Variants in CNTN4 observed in about 807,000 individuals in gnomAD.
CNTN4 encodes the protein contactin-4.
Under a neutral mutation model 122.5 loss-of-function variants are expected in CNTN4, and 77 were observed. The observed-to-expected ratio is 0.63, with a 90% CI of 0.52 to 0.76. The LOEUF (loss-of-function observed/expected upper bound fraction) is 0.76, where lower values mean the gene tolerates loss of function less well. CNTN4 is among the 30% of genes least tolerant of loss of function. The pLI is 0.00. For missense variants in CNTN4, 1,256 were observed against 1,259.1 expected (o/e 1.00, Z 0.04); for synonymous variants, 512 against 447.0 (o/e 1.15, Z -1.83).
chr3:2,658,605 C>G (rs1373332670), intron 4 of CNTN4, among the ~76,000 whole-genome samples: 1 of 152,168 alleles, frequency 6.6e-6, no homozygotes, highest in Non-Finnish European at 1.5e-5. Flanking sequence ...TCATCCTTCC[C>G]ATTTCCTTAA....
intron 6 of CNTN4, among the ~76,000 whole-genome samples, chr3:2,788,583 T>C (rs1407603894): frequency 6.6e-6 from 1 of 152,252 alleles, no homozygotes. Flanking sequence ...CCACAATCTT[T>C]GGAAAAATAT....
chr3:2,169,493 GC>G (rs2036351827), intron 2 of CNTN4, among the ~76,000 whole-genome samples: 1 of 151,620 alleles, frequency 6.6e-6, no homozygotes, highest in African/African-American at 2.4e-5. Context: ...TGCAAGCTCC[GC>G]CTCCCGGGTT....
At chr3:2,587,137 A>G (rs539822345) in intron 4 of CNTN4, among the ~76,000 whole-genome samples, 1 of 152,282 alleles carries the variant, frequency 6.6e-6, no homozygotes, top group Admixed American at 6.5e-5. Context: ...TTCCATATAC[A>G]TTATCTTCTG....
At chr3:2,928,585 G>A (rs1401811361) in intron 13 of CNTN4, among the ~76,000 whole-genome samples, 1 of 152,134 alleles carries the variant, frequency 6.6e-6, no homozygotes, top group East Asian at 1.9e-4. Flanking sequence ...CTTTTCAGAT[G>A]TAGAATCTTA....
intron 23 of CNTN4, among the ~76,000 whole-genome samples, chr3:3,050,235 A>C: frequency 6.6e-6 from 1 of 152,026 alleles, no homozygotes; most frequent in East Asian, 1.9e-4. Context: ...TTTCAGTAGA[A>C]CCCACAAATT....
intron 2 of CNTN4, among the ~76,000 whole-genome samples, chr3:2,164,299 C>T (rs1212180761): frequency 2.0e-5 from 3 of 151,310 alleles, no homozygotes; most frequent in African/African-American, 4.9e-5. Context: ...ATGCTACTGA[C>T]CAAATTAATT....
chr3:2,701,096 T>C (rs528928146), intron 4 of CNTN4, among the ~76,000 whole-genome samples: 2 of 152,314 alleles, frequency 1.3e-5, no homozygotes, highest in Non-Finnish European at 2.9e-5. Context: ...CTTACATCTT[T>C]CTGTTTTAAA....
At chr3:2,405,463 C>T (rs2046998754) in intron 3 of CNTN4, among the ~76,000 whole-genome samples, 1 of 152,086 alleles carries the variant, frequency 6.6e-6, no homozygotes, top group Non-Finnish European at 1.5e-5. Context: ...TGTCAAAGGA[C>T]ATAGGCACTG....
chr3:2,779,754 C>A (rs2091493240), intron 6 of CNTN4, among the ~76,000 whole-genome samples: 1 of 152,076 alleles, frequency 6.6e-6, no homozygotes, highest in South Asian at 2.1e-4. Flanking sequence ...TTTGAAGTAT[C>A]TAGAAGCCAT....
intron 11 of CNTN4, among the ~76,000 whole-genome samples, chr3:2,902,648 G>T (rs1231150708): frequency 6.6e-6 from 1 of 152,170 alleles, no homozygotes; most frequent in Non-Finnish European, 1.5e-5. Context: ...GAACTCAAGA[G>T]AATCCTACAA....
chr3:2,883,170 A>G lies in CNTN4; in HGVS notation c.678A>G (p.Lys226=), dbSNP rs1376245263. The change falls in exon 9 of 25, where the codon AAA becomes AAG. Residue 226 remains lysine, a synonymous_variant. Transcript: ENST00000418658. ...NDGVMGEYEP[K]IEVQFPETVP... is the part of the protein sequence containing the mutation. ...GAGTGATGGGTGAATATGAGCCCAA[A>G]ATAGAAGTGCAGTTCCCAGAAACAG... 3 of 1,613,804 alleles carry G rather than the reference A, an allele frequency of 1.9e-6. No individual in the cohort carries two copies. The South Asian group carries it at 3.3e-5, about 18-fold the overall frequency.
At position 2,887,195 on chromosome 3, in the gene CNTN4, A is replaced by G; in HGVS notation, c.911A>G (p.Asn304Ser). Reference sequence around the variant, plus strand: ...GTAGCTGAAAATTCCAGAGGGAAAAATGTAGCAAGGGGACAGCTAACTTTC... The same window carrying G: ...GTAGCTGAAAATTCCAGAGGGAAAAGTGTAGCAAGGGGACAGCTAACTTTC... ...ECVAENSRGK[N>S]VARGQLTFYA... The change falls in exon 10 of 25, where the codon AAT becomes AGT. Residue 304 changes from asparagine to serine, a missense_variant. Physicochemically the swap from Asn to Ser is conservative, Grantham distance 46 (BLOSUM62 1). Coordinates refer to ENST00000418658, the MANE Select transcript of CNTN4 (RefSeq NM_175607.3). The G allele has an allele frequency of 6.2e-7, 1 of 1,613,862 alleles. No individual in the cohort carries two copies. The highest frequency in any genetic ancestry group is 8.5e-7 in the Non-Finnish European group (1 of 1,180,022).
intron 3 of CNTN4, among the ~76,000 whole-genome samples, chr3:2,439,624 A>ATG (rs923872200): frequency 2.0e-5 from 3 of 151,756 alleles, no homozygotes; most frequent in African/African-American, 4.8e-5. Flanking sequence ...CTGTCTCTGT[A>ATG]TGTGTGTGTG....
At chr3:3,007,663 G>A (rs865818622) in intron 14 of CNTN4, among the ~76,000 whole-genome samples, 2 of 152,146 alleles carry the variant, frequency 1.3e-5, no homozygotes, top group African/African-American at 4.8e-5. Flanking sequence ...TAAAAAGAGA[G>A]AATACCAGTG....
At chr3:2,733,646 G>A (rs1402136193) in intron 4 of CNTN4, among the ~76,000 whole-genome samples, 1 of 148,696 alleles carries the variant, frequency 6.7e-6, no homozygotes, top group Admixed American at 6.8e-5. Context: ...AGATTCTCCT[G>A]CTTCAGCCTC....
intron 4 of CNTN4, among the ~76,000 whole-genome samples, chr3:2,651,616 T>C (rs2083361722): frequency 6.6e-6 from 1 of 152,132 alleles, no homozygotes; most frequent in Non-Finnish European, 1.5e-5. Context: ...TTTGGGAGAC[T>C]GAGCCAGGAA....
At chr3:2,204,172 G>C (rs2038233326) in intron 2 of CNTN4, among the ~76,000 whole-genome samples, 1 of 152,040 alleles carries the variant, frequency 6.6e-6, no homozygotes, top group Non-Finnish European at 1.5e-5. Flanking sequence ...AAAATGCAGA[G>C]CAGGTAACTT....
chr3:2,931,592 C>T (rs1178297119), intron 13 of CNTN4, among the ~76,000 whole-genome samples: 1 of 152,112 alleles, frequency 6.6e-6, no homozygotes, highest in Non-Finnish European at 1.5e-5. Context: ...GTATTTGTCA[C>T]CATCCCACAT....
rs1350326835 is a variant in CNTN4, at chr3:2,750,322, T to G, written c.358+4625T>G. Among the ~76,000 whole-genome samples the G allele has an allele frequency of 2.6e-5, 4 of 152,244 alleles. No homozygotes were observed. The South Asian group carries it at 8.3e-4, about 31-fold the overall frequency. ...TAATTTTATTCAGAAGATAGTCTTATAAGGTAGACATTATTTCTATTGATT... is the reference window on the plus strand; with the variant it reads ...TAATTTTATTCAGAAGATAGTCTTAGAAGGTAGACATTATTTCTATTGATT... On this transcript the variant is annotated intron_variant, in intron 6 of 24. Coordinates refer to ENST00000418658, the MANE Select transcript of CNTN4 (RefSeq NM_175607.3).
Sources: gnomAD v4.1 joint callset for allele counts (sites outside exome capture counted in the v4.1 genomes callset) on GRCh38, gnomAD v4.1.1 for gene constraint, MANE v1.5 for transcripts, NCBI Gene and HGNC (gene_info 2026-07-23, HGNC 2026-07-21) for gene names.